Variants in R3HDM2 observed in about 807,000 individuals in gnomAD.
R3HDM2 encodes R3H domain containing 2.
R3HDM2 carries 38 observed loss-of-function variants against 124.5 expected under a neutral mutation model. The observed-to-expected ratio is 0.31, with a 90% CI of 0.24 to 0.40. The LOEUF (loss-of-function observed/expected upper bound fraction) is 0.40, where lower values mean the gene tolerates loss of function less well. Ranked by LOEUF, R3HDM2 falls within the 10% of genes least tolerant of loss-of-function variation. R3HDM2 has a pLI of 1.00. For synonymous variants in R3HDM2, 391 were observed against 448.0 expected, an observed-to-expected ratio of 0.87 and a Z score of 1.61; for missense variants, 869 against 1,236.9, an observed-to-expected ratio of 0.70 and a Z score of 4.46.
intron 1 of R3HDM2, among the ~76,000 whole-genome samples, chr12:57,421,569 G>A (rs1302083850): frequency 6.6e-6 from 1 of 151,160 alleles, no homozygotes; most frequent in Non-Finnish European, 1.5e-5. Context: ...GCAATGTGGT[G>A]GGATTGTGGC....
intron 19 of R3HDM2, 28 bp from the exon 20 acceptor site, chr12:57,259,087 T>C (rs1172048170): frequency 6.3e-7 from 1 of 1,599,388 alleles, no homozygotes; most frequent in South Asian, 1.1e-5. Context: ...AGCAGTTGGT[T>C]ACAAATTCCA....
chr12:57,296,323 C>T lies in R3HDM2; in HGVS notation c.701+88G>A. ...GTGAGCCACCACGCCTGGCCATCTGCAAGAGACATCCTGATCCTACACCTT... is the reference window on the plus strand; with the variant it reads ...GTGAGCCACCACGCCTGGCCATCTGTAAGAGACATCCTGATCCTACACCTT... On this transcript the variant is annotated intron_variant, in intron 9 of 23. Transcript: ENST00000402412. The surrounding 1 kb of genome is among the most constrained non-coding windows in gnomAD (Gnocchi z 4.5). The T allele has an allele frequency of 6.9e-7, 1 of 1,458,530 alleles. No individual in the cohort carries two copies. The highest frequency in any genetic ancestry group is 9.3e-7 in the Non-Finnish European group (1 of 1,070,892). 90.3% of individuals were successfully genotyped at this position (1,458,530 alleles called of 1,614,324 possible).
chr12:57,257,262 T>C (rs965772332), intron 21 of R3HDM2, among the ~76,000 whole-genome samples: 3 of 152,222 alleles, frequency 2.0e-5, no homozygotes, highest in Admixed American at 1.3e-4. Flanking sequence ...GCTCTGTTAC[T>C]GGAAATATGA....
At chr12:57,331,487 T>G (rs1422257395) in intron 2 of R3HDM2, among the ~76,000 whole-genome samples, 1 of 152,204 alleles carries the variant, frequency 6.6e-6, no homozygotes, top group Non-Finnish European at 1.5e-5. Flanking sequence ...CAAGGTACAC[T>G]CAAAGAGGGC....
rs186858896 is a variant in R3HDM2 at position 57,424,830 on chromosome 12, A to G, written c.-106+5890T>C. On this transcript the variant is annotated intron_variant, in intron 1 of 23. Transcript: ENST00000402412. ...AGCAATCCTCCCGCCTCAGATTCCC[A>G]AAGTGCTGCACTACAGGTATGAACC... 2.3e-3 allele frequency among the ~76,000 whole-genome samples: 345 copies of G among 152,240 alleles called. 7 individuals are homozygous for G. Among genetic ancestry groups the G allele is most frequent in the Admixed American group, 0.021 (318 of 15,260 alleles).
At chr12:57,345,179 G>A (rs962563775) in intron 2 of R3HDM2, among the ~76,000 whole-genome samples, 1 of 152,008 alleles carries the variant, frequency 6.6e-6, no homozygotes, top group South Asian at 2.1e-4. Context: ...GATCATCAAG[G>A]ACCTGAGGAA....
At position 57,400,146 on chromosome 12, in the gene R3HDM2, G is replaced by A. The variant is rs565615935; in HGVS notation, c.-105-4328C>T. ...ACACATGGACATGTATGTTTATTGT[G>A]GCACCATTCACAATAGCAAAGACTT... On this transcript the variant is annotated intron_variant, in intron 1 of 23. Transcript: ENST00000402412. Among the ~76,000 whole-genome samples, 33 of 152,162 alleles carry A rather than the reference G, an allele frequency of 2.2e-4. No individual in the cohort carries two copies. In the East Asian group the frequency reaches 6.2e-3, roughly 28 times the overall value.
chr12:57,394,122 C>A (rs1025231081), intron 2 of R3HDM2, among the ~76,000 whole-genome samples: 2 of 151,624 alleles, frequency 1.3e-5, no homozygotes, highest in Non-Finnish European at 2.9e-5. Flanking sequence ...ATGGAAAAAT[C>A]CCATCTCTAC....
chr12:57,286,016 A>C (rs2047251526), intron 12 of R3HDM2, among the ~76,000 whole-genome samples: 1 of 152,206 alleles, frequency 6.6e-6, no homozygotes, highest in South Asian at 2.1e-4. Flanking sequence ...GACTTGGAGA[A>C]TCTAAGTTGA....
intron 2 of R3HDM2, among the ~76,000 whole-genome samples, chr12:57,369,592 A>T (rs936854865): frequency 5.3e-5 from 8 of 152,176 alleles, no homozygotes; most frequent in Admixed American, 6.6e-5. Context: ...TTCAAGTAAG[A>T]CTATAAATAC....
intron 2 of R3HDM2, among the ~76,000 whole-genome samples, chr12:57,387,185 G>C (rs1048849549): frequency 5.9e-5 from 9 of 152,122 alleles, no homozygotes; most frequent in African/African-American, 2.2e-4. Flanking sequence ...GTGGCAACCG[G>C]CTGGGGTCCC....
intron 12 of R3HDM2, among the ~76,000 whole-genome samples, chr12:57,286,639 T>C (rs1001518393): frequency 6.6e-6 from 1 of 152,096 alleles, no homozygotes; most frequent in Non-Finnish European, 1.5e-5. Context: ...ATGAGGACTT[T>C]GGGAGGCTGA....
chr12:57,429,771 T>TG (rs201158679), intron 1 of R3HDM2, among the ~76,000 whole-genome samples: 1,207 of 37,930 alleles, frequency 0.032, 14 homozygotes, highest in African/African-American at 0.094. Context: ...GGGGCGGGGG[T>TG]GGGGGGGGAA....
At chr12:57,340,925 T>C (rs1390304760) in intron 2 of R3HDM2, among the ~76,000 whole-genome samples, 1 of 151,982 alleles carries the variant, frequency 6.6e-6, no homozygotes, top group Non-Finnish European at 1.5e-5. Context: ...GGTTGGGCTG[T>C]TATGCTCACA....
At chr12:57,312,156 AT>A (rs376291055) in intron 2 of R3HDM2, among the ~76,000 whole-genome samples, 15 of 152,336 alleles carry the variant, frequency 9.8e-5, no homozygotes, top group African/African-American at 3.6e-4. Flanking sequence ...ATGGATAGCA[AT>A]GCTTCAAGAA....
intron 2 of R3HDM2, among the ~76,000 whole-genome samples, chr12:57,374,517 A>C (rs980670735): frequency 1.3e-5 from 2 of 151,196 alleles, no homozygotes; most frequent in Admixed American, 1.3e-4. Context: ...CCCTGTCTCT[A>C]CTAAAAATAC....
At chr12:57,336,503 GTC>G (rs1228561065) in intron 2 of R3HDM2, among the ~76,000 whole-genome samples, 1 of 152,154 alleles carries the variant, frequency 6.6e-6, no homozygotes, top group East Asian at 1.9e-4. Context: ...ATGAGATAAT[GTC>G]TTTTGCAGGA....
chr12:57,273,890 AGAG>A (rs1338595424), intron 14 of R3HDM2, among the ~76,000 whole-genome samples: 1 of 152,222 alleles, frequency 6.6e-6, no homozygotes, highest in Non-Finnish European at 1.5e-5. Flanking sequence ...GACTCTCCAA[AGAG>A]GAGAATACTC....
intron 1 of R3HDM2, among the ~76,000 whole-genome samples, chr12:57,413,910 G>T (rs1441136777): frequency 1.4e-5 from 2 of 142,774 alleles, no homozygotes; most frequent in Non-Finnish European, 3.0e-5. Context: ...ACGTGGCACG[G>T]TCTCAGCTCA....
Sources: gnomAD v4.1 joint callset for allele counts (sites outside exome capture counted in the v4.1 genomes callset) on GRCh38, gnomAD v4.1.1 for gene constraint, Gnocchi (gnomAD v3.1) non-coding constraint, MANE v1.5 for transcripts, NCBI Gene and HGNC (gene_info 2026-07-23, HGNC 2026-07-21) for gene names.